CCDC146: variants seen among roughly 807,000 people sequenced by gnomAD.
The protein encoded by CCDC146 is coiled-coil domain-containing protein 146.
In CCDC146, 92 loss-of-function variants were observed where a neutral mutation model predicts 119.3. That is an observed-to-expected ratio of 0.77 (90% CI 0.65 to 0.92). The LOEUF (loss-of-function observed/expected upper bound fraction) is 0.92. Among genes scored for constraint, CCDC146 ranks in the 40% least tolerant of loss-of-function variants. CCDC146 has a pLI of 0.00. For synonymous variants in CCDC146, 372 were observed against 371.8 expected, an observed-to-expected ratio of 1.00 and a Z score of -0.01; for missense variants, 1,000 against 1,103.0, an observed-to-expected ratio of 0.91 and a Z score of 1.32.
rs754924746 is a variant in CCDC146 at position 77,278,733 on chromosome 7, AT to A, written c.1441-12del. On this transcript the variant is annotated intron_variant, in intron 11 of 18. Coordinates refer to ENST00000285871, the MANE Select transcript of CCDC146 (RefSeq NM_020879.3). ...GTTCATATGTTGTTATTTATTTCAC[AT>A]TTTTTTGTACATTTCAGCAAAAATA... 230 of 1,551,310 alleles carry A rather than the reference AT, an allele frequency of 1.5e-4. No homozygotes were observed. In the African/African-American group the frequency reaches 2.6e-3, roughly 17 times the overall value.
chr7:77,254,017 G>A lies in CCDC146; in HGVS notation c.450-489G>A, dbSNP rs1180346289. On this transcript the variant is annotated intron_variant, in intron 4 of 18. Coordinates refer to ENST00000285871, the MANE Select transcript of CCDC146 (RefSeq NM_020879.3). ...GGAAAGGAGTTCAAATTTTGGTCCA[G>A]GTGTGATGGGAATTTATCAAGCAGG... 2.0e-5 allele frequency among the ~76,000 whole-genome samples: 3 copies of A among 152,304 alleles called. No homozygotes were observed. The South Asian group carries it at 6.2e-4, about 32-fold the overall frequency.
intron 1 of CCDC146, among the ~76,000 whole-genome samples, chr7:77,151,048 A>G (rs540291420): frequency 2.0e-5 from 3 of 152,268 alleles, no homozygotes; most frequent in African/African-American, 7.2e-5. Context: ...AGTTCTGGAG[A>G]CTGGAAGTCA....
chr7:77,259,138 C>A, intron 7 of CCDC146, 70 bp downstream of exon 7: 1 of 901,412 alleles, frequency 1.1e-6, no homozygotes, highest in Admixed American at 2.1e-5. Context: ...AACAAGAGTA[C>A]TAACCATTGG....
At chr7:77,199,061 G>T in intron 2 of CCDC146, 1 of 857,086 alleles carries the variant, frequency 1.2e-6, no homozygotes, top group Non-Finnish European at 1.8e-6. Flanking sequence ...TGTGCACCTT[G>T]ATAAATAAAA....
intron 7 of CCDC146, 75 bp from the exon 8 acceptor site, chr7:77,259,934 A>G (rs1793256112): frequency 3.1e-6 from 3 of 960,194 alleles, no homozygotes; most frequent in African/African-American, 1.8e-5. Flanking sequence ...CCTCAAAATA[A>G]GGCAAGTGTG....
Position 77,256,462 on chromosome 7 carries a change from G to A in CCDC146, c.637G>A (p.Glu213Lys). ...ATCTAAACAAAAGCAATTATTAAAA[G>A]AGCAGAAGGAACTAGAAGAATTGTT... is the stretch of plus-strand genomic sequence containing the variant. The part of the protein sequence containing the change: ...LASKQKQLLK[E>K]QKELEELLGH... Residue 213 changes from glutamate to lysine, a missense_variant, in exon 6 of 19, where the codon GAG becomes AAG. Glu to Lys is a moderately conservative substitution (Grantham distance 56, BLOSUM62 1). Around this residue, in one of 2 missense-constraint regions of CCDC146, gnomAD observed 985 missense variants for 1,045.3 expected, o/e 0.94. Coordinates refer to ENST00000285871, the MANE Select transcript of CCDC146 (RefSeq NM_020879.3). 1 of 1,607,192 alleles carries A rather than the reference G, an allele frequency of 6.2e-7. No homozygotes were observed.
At chr7:77,142,553 T>A (rs965486716) in intron 1 of CCDC146, among the ~76,000 whole-genome samples, 5 of 151,878 alleles carry the variant, frequency 3.3e-5, no homozygotes, top group Non-Finnish European at 7.4e-5. Flanking sequence ...TCCTAATGCT[T>A]TCCCTCCCCC....
At position 77,144,586 on chromosome 7, in the gene CCDC146, A is replaced by G. The variant is rs530593917; in HGVS notation, c.-12+21854A>G. On this transcript the variant is annotated intron_variant, in intron 1 of 18. Coordinates refer to ENST00000285871, the MANE Select transcript of CCDC146 (RefSeq NM_020879.3). ...AATACCTCTTATTATTTTGAGATAC[A>G]TCCCATCAATACCTAATTTATTGAG... Among the ~76,000 whole-genome samples, 14 of 151,918 alleles carry G rather than the reference A, an allele frequency of 9.2e-5. No individual in the cohort carries two copies. In the South Asian group the frequency reaches 1.0e-3, roughly 11 times the overall value.
chr7:77,149,158 C>T (rs1193339668), intron 1 of CCDC146, among the ~76,000 whole-genome samples: 1 of 151,994 alleles, frequency 6.6e-6, no homozygotes, highest in African/African-American at 2.4e-5. Context: ...GAACAGAGGC[C>T]CCAGAAATAA....
At chr7:77,142,554 T>C (rs1790951481) in intron 1 of CCDC146, among the ~76,000 whole-genome samples, 1 of 151,992 alleles carries the variant, frequency 6.6e-6, no homozygotes. Context: ...CCTAATGCTT[T>C]CCCTCCCCCC....
At chr7:77,278,548 C>T (rs922394411) in intron 11 of CCDC146, among the ~76,000 whole-genome samples, 18 of 146,524 alleles carry the variant, frequency 1.2e-4, no homozygotes, top group African/African-American at 4.4e-4. Context: ...TGGGCTCGAG[C>T]GATCCTCCCA....
intron 1 of CCDC146, among the ~76,000 whole-genome samples, chr7:77,166,829 C>T (rs150616983): frequency 0.01 from 1,538 of 152,028 alleles, 24 homozygotes; most frequent in African/African-American, 0.035. Flanking sequence ...TGTGGGTCAC[C>T]CTGCCAATAT....
At chr7:77,133,482 G>A (rs1790815672) in intron 1 of CCDC146, among the ~76,000 whole-genome samples, 1 of 151,968 alleles carries the variant, frequency 6.6e-6, no homozygotes, top group African/African-American at 2.4e-5. Context: ...CCACTTAGTA[G>A]CTGGGACTAC....
chr7:77,197,537 A>G (rs948854971), intron 2 of CCDC146, among the ~76,000 whole-genome samples: 4 of 152,218 alleles, frequency 2.6e-5, no homozygotes, highest in African/African-American at 9.7e-5. Context: ...AGATGATTCT[A>G]ACTCTCCTAG....
At chr7:77,177,709 G>C (rs1354524820) in intron 2 of CCDC146, among the ~76,000 whole-genome samples, 1 of 152,130 alleles carries the variant, frequency 6.6e-6, no homozygotes, top group Non-Finnish European at 1.5e-5. Context: ...ACTAACAGCT[G>C]TACTTATAGG....
intron 6 of CCDC146, 91 bp downstream of exon 6, chr7:77,256,600 GAGGGGTAT>G: frequency 9.9e-7 from 1 of 1,008,540 alleles, no homozygotes; most frequent in Non-Finnish European, 1.5e-6. Context: ...GTTGGATAAA[GAGGGGTAT>G]TGTCTCACAA....
At chr7:77,284,467 G>C (rs918361227) in intron 15 of CCDC146, among the ~76,000 whole-genome samples, 1 of 151,834 alleles carries the variant, frequency 6.6e-6, no homozygotes, top group African/African-American at 2.4e-5. Context: ...CCAAAATGAA[G>C]ATTTAGGTCC....
chr7:77,233,257 T>A (rs1201316758), intron 2 of CCDC146, among the ~76,000 whole-genome samples: 2 of 151,734 alleles, frequency 1.3e-5, no homozygotes, highest in Non-Finnish European at 2.9e-5. Context: ...CCCAGCTAAT[T>A]TTTTTTGTAT....
At chr7:77,233,776 G>C (rs2150478991) in intron 2 of CCDC146, among the ~76,000 whole-genome samples, 1 of 152,312 alleles carries the variant, frequency 6.6e-6, no homozygotes, top group East Asian at 1.9e-4. Context: ...ATCTCCTGCT[G>C]TGCAGCCCAG....
Sources: allele counts gnomAD v4.1 joint callset (sites outside exome capture counted in the v4.1 genomes callset), GRCh38; gene constraint gnomAD v4.1.1; regional missense constraint gnomAD v4.1.1; transcripts MANE v1.5; gene names NCBI Gene and HGNC (gene_info 2026-07-23, HGNC 2026-07-21).